Variants in PTPRE observed in about 807,000 individuals in gnomAD.
PTPRE encodes protein tyrosine phosphatase receptor type E.
In PTPRE, 51 loss-of-function variants were observed where a neutral mutation model predicts 102.0. The observed-to-expected ratio is 0.50, with a 90% CI of 0.40 to 0.63. The LOEUF is 0.63. Among genes scored for constraint, PTPRE ranks in the 30% least tolerant of loss-of-function variants. PTPRE has a pLI of 0.00. For missense variants in PTPRE, 752 were observed against 915.1 expected (o/e 0.82, Z 2.30); for synonymous variants, 345 against 348.2 (o/e 0.99, Z 0.10).
At chr10:127,945,276 G>C (rs1434421343) in intron 1 of PTPRE, among the ~76,000 whole-genome samples, 1 of 152,190 alleles carries the variant, frequency 6.6e-6, no homozygotes, top group Non-Finnish European at 1.5e-5. Flanking sequence ...CATACATGGG[G>C]GTGAGAGGGG....
At chr10:128,075,228 G>T (rs1052531557) in intron 17 of PTPRE, among the ~76,000 whole-genome samples, 5 of 152,138 alleles carry the variant, frequency 3.3e-5, no homozygotes, top group Admixed American at 3.3e-4. Context: ...CTCCTGTCAT[G>T]GGCACTTGAG....
chr10:128,070,192 G>A lies in PTPRE; in HGVS notation c.1144-109G>A, dbSNP rs968405670. On this transcript the variant is annotated intron_variant, in intron 13 of 20. Transcript: ENST00000254667. This position sits in a 1 kb window ranked among gnomAD's most constrained non-coding sequence, Gnocchi z 4.8. ...CTCTTGCCTCACACCTCCTTGTGTT[G>A]GCAAAAAGAGAAAAAGAAGAAAGCC... 1.5e-6 allele frequency: 2 copies of A among 1,328,568 alleles called. No homozygotes were observed. Among genetic ancestry groups the A allele is most frequent in the South Asian group, 2.9e-5 (2 of 68,628 alleles). The allele number at this position is 1,328,568 out of a possible 1,614,324, so 82.3% of individuals were successfully genotyped here. A position where few individuals can be genotyped will look rare whatever the true frequency, so the allele number is the denominator to read the frequency against.
rs775207835 is a variant in PTPRE at position 128,047,396 on chromosome 10, C to T, written c.116C>T (p.Pro39Leu). 8.1e-6 allele frequency: 13 copies of T among 1,612,712 alleles called. No homozygotes were observed. Among genetic ancestry groups the T allele is most frequent in the East Asian group, 6.7e-5 (3 of 44,862 alleles). The part of the protein sequence containing the change: ...SNETTTTSGP[P>L]DPGASQPLLA... ...CTTTCTGCTTCTCCTGCAGGCCCTC[C>T]GGACCCGGGCGCCTCCCAGCCGCTG... The change falls in exon 4 of 21, where the codon CCG (proline) becomes CTG (leucine). Residue 39 changes from proline to leucine, a missense_variant. By Grantham distance (98) the Pro-to-Leu change is moderately conservative. Around this residue, in one of 2 missense-constraint regions of PTPRE, gnomAD observed 116 missense variants for 90.8 expected, o/e 1.28. Transcript: ENST00000254667.
At chr10:128,020,780 G>T (rs941104672) in intron 2 of PTPRE, among the ~76,000 whole-genome samples, 1 of 152,206 alleles carries the variant, frequency 6.6e-6, no homozygotes, top group Admixed American at 6.5e-5. Context: ...CATCCTGAGC[G>T]GGCAGTGGGT....
chr10:127,921,406 G>A (rs1053291711), intron 1 of PTPRE, among the ~76,000 whole-genome samples: 12 of 152,190 alleles, frequency 7.9e-5, no homozygotes, highest in South Asian at 6.2e-4. Context: ...GGGGCCACAC[G>A]GCTGCTGGGG....
At position 127,922,722 on chromosome 10, in the gene PTPRE, A is replaced by G. The variant is rs73374399; in HGVS notation, c.-31+15413A>G. On this transcript the variant is annotated intron_variant, in intron 1 of 20. Coordinates refer to ENST00000254667, the MANE Select transcript of PTPRE (RefSeq NM_006504.6). ...CTGCCACTCTGTTCCCAGCCACAAC[A>G]TAGAAAGGGGACTGAACTCTATACC... Among the ~76,000 whole-genome samples the G allele has an allele frequency of 4.6e-3, 706 of 152,344 alleles. 7 individuals are homozygous for G. The highest frequency in any genetic ancestry group is 0.016 in the African/African-American group (685 of 41,586).
rs553726682 is a variant in PTPRE, at chr10:127,915,995, G to GA, written c.-31+8701dup. On this transcript the variant is annotated intron_variant, in intron 1 of 20. Coordinates refer to ENST00000254667, the MANE Select transcript of PTPRE (RefSeq NM_006504.6). ...CTGTGCTTAGCGCTGGAGTTACAGG[G>GA]AAAAAAAAAAAAAAAGGCACGATGG... Among the ~76,000 whole-genome samples the GA allele has an allele frequency of 5.8e-3, 784 of 134,594 alleles. 4 individuals are homozygous for GA. The highest frequency in any genetic ancestry group is 0.04 in the South Asian group (167 of 4,126). The allele number at this position is 134,594 out of a possible 152,430, so 88.3% of individuals were successfully genotyped here.
In PTPRE at chr10:128,077,737, A is replaced by AAGC. The variant is rs745739508; in HGVS notation, c.1858_1860dup (p.Gln620dup). The AAGC allele has an allele frequency of 3.7e-6, 6 of 1,609,670 alleles. No homozygotes were observed. The Middle Eastern group carries it at 6.6e-4, about 178-fold the overall frequency. On this transcript the variant is annotated inframe_insertion, in exon 19 of 21. Coordinates refer to ENST00000254667, the MANE Select transcript of PTPRE (RefSeq NM_006504.6). Reference sequence around the variant, plus strand: ...GATTGACCTCATCGCAGCCGTGCAGAAGCAGCAGCAGCAGACAGGCAACCA... The same window carrying AAGC: ...GATTGACCTCATCGCAGCCGTGCAGAAGCAGCAGCAGCAGCAGACAGGCAACCA...
intron 1 of PTPRE, among the ~76,000 whole-genome samples, chr10:127,909,879 A>G (rs1475714229): frequency 1.3e-5 from 2 of 152,274 alleles, no homozygotes; most frequent in South Asian, 2.1e-4. Context: ...GTGGATGGGC[A>G]TGGTCCATCC....
At chr10:127,914,935 C>G (rs895818369) in intron 1 of PTPRE, among the ~76,000 whole-genome samples, 6 of 152,174 alleles carry the variant, frequency 3.9e-5, no homozygotes, top group African/African-American at 1.4e-4. Flanking sequence ...TATTCAGACC[C>G]AAACACTCTG....
chr10:128,034,864 A>G (rs1847082861), intron 2 of PTPRE, among the ~76,000 whole-genome samples: 1 of 152,254 alleles, frequency 6.6e-6, no homozygotes, highest in African/African-American at 2.4e-5. Context: ...CATATTAGGA[A>G]CAGATAAGGC....
In PTPRE at chr10:128,062,998, G is replaced by A; in HGVS notation, c.626-85G>A. On this transcript the variant is annotated intron_variant, in intron 9 of 20. Coordinates refer to ENST00000254667, the MANE Select transcript of PTPRE (RefSeq NM_006504.6). ...AGAAGGGAGTGAACAGCTGTCCAGG[G>A]GCCAACGGCCAGGGTGCCGGGGCTG... The A allele has an allele frequency of 3.2e-6, 5 of 1,579,316 alleles. No homozygotes were observed. In the South Asian group the frequency reaches 4.6e-5, roughly 14 times the overall value.
intron 2 of PTPRE, among the ~76,000 whole-genome samples, chr10:128,020,089 C>T (rs1421617115): frequency 6.6e-6 from 1 of 151,848 alleles, no homozygotes; most frequent in African/African-American, 2.4e-5. Flanking sequence ...TGCACATGCA[C>T]GCTGGACACA....
chr10:127,962,349 G>T (rs747715), intron 1 of PTPRE, among the ~76,000 whole-genome samples: 14,189 of 152,254 alleles, frequency 0.093, 757 homozygotes, highest in South Asian at 0.14. Context: ...TAACTCTCAA[G>T]GCCCCATGAG....
intron 2 of PTPRE, among the ~76,000 whole-genome samples, chr10:128,010,751 C>T (rs956070504): frequency 6.6e-6 from 1 of 151,934 alleles, no homozygotes; most frequent in African/African-American, 2.4e-5. Flanking sequence ...GCGGACACGC[C>T]CGGCTAATTT....
chr10:128,030,591 A>G (rs992913649), intron 2 of PTPRE, among the ~76,000 whole-genome samples: 2 of 152,138 alleles, frequency 1.3e-5, no homozygotes, highest in African/African-American at 4.8e-5. Flanking sequence ...ACACCCGTGG[A>G]GCACCTCCTC....
In PTPRE at chr10:128,028,992, C is replaced by T. The variant is rs1442346465; in HGVS notation, c.-7-11883C>T. ...GGGATTTGTCTCCACTTTGCAGTTG[C>T]CTTTTGCCCCACATGCCCCGTCCTG... is the stretch of plus-strand genomic sequence containing the variant. On this transcript the variant is annotated intron_variant, in intron 2 of 20. Transcript: ENST00000254667. The surrounding 1 kb of genome is among the most constrained non-coding windows in gnomAD (Gnocchi z 4.5). 6.6e-6 allele frequency among the ~76,000 whole-genome samples: 1 copy of T among 152,226 alleles called. No individual in the cohort carries two copies. The highest frequency in any genetic ancestry group is 1.5e-5 in the Non-Finnish European group (1 of 68,038).
intron 1 of PTPRE, among the ~76,000 whole-genome samples, chr10:127,930,839 C>A (rs1378448090): frequency 6.6e-6 from 1 of 150,858 alleles, no homozygotes; most frequent in Non-Finnish European, 1.5e-5. Flanking sequence ...TGTTGCCAGG[C>A]TGGAGTGCAG....
chr10:127,924,137 G>C (rs1039593705), intron 1 of PTPRE, among the ~76,000 whole-genome samples: 4 of 152,218 alleles, frequency 2.6e-5, no homozygotes, highest in African/African-American at 9.6e-5. Flanking sequence ...TGTAGAGAAA[G>C]AGTTTGTGCT....
Sources: gnomAD v4.1 joint callset for allele counts (sites outside exome capture counted in the v4.1 genomes callset) on GRCh38, gnomAD v4.1.1 for gene constraint, gnomAD v4.1.1 regional missense constraint, Gnocchi (gnomAD v3.1) non-coding constraint, MANE v1.5 for transcripts, NCBI Gene and HGNC (gene_info 2026-07-23, HGNC 2026-07-21) for gene names.